TFPI: variants seen among roughly 807,000 people sequenced by gnomAD.
TFPI encodes tissue factor pathway inhibitor.
Under a neutral mutation model 34.6 loss-of-function variants are expected in TFPI, and 15 were observed. That is an observed-to-expected ratio of 0.43 (90% CI 0.29 to 0.67). The LOEUF (loss-of-function observed/expected upper bound fraction) is 0.67, where lower values mean the gene tolerates loss of function less well. TFPI is among the 30% of genes least tolerant of loss of function. The pLI is 0.15. For missense variants in TFPI, 301 were observed against 364.0 expected, an observed-to-expected ratio of 0.83 and a Z score of 1.41; for synonymous variants, 105 against 120.1, an observed-to-expected ratio of 0.87 and a Z score of 0.82.
intron 6 of TFPI, among the ~76,000 whole-genome samples, chr2:187,472,353 C>T (rs143830554): frequency 3.9e-5 from 6 of 152,106 alleles, no homozygotes; most frequent in East Asian, 1.9e-4. Flanking sequence ...CTCATGAACA[C>T]CCATGTACAC....
chr2:187,473,599 T>C (rs1306214993), intron 6 of TFPI, among the ~76,000 whole-genome samples: 1 of 152,070 alleles, frequency 6.6e-6, no homozygotes, highest in Admixed American at 6.6e-5. Context: ...TGTCCTGAGG[T>C]AATAGATAAA....
Position 187,497,060 on chromosome 2 carries a change from A to C in TFPI, c.140T>G (p.Leu47Arg), listed in dbSNP as rs760791091. Residue 47 changes from leucine to arginine, a missense_variant, in exon 3 of 8, where the codon CTG becomes CGG. Physicochemically the swap from Leu to Arg is moderately radical, Grantham distance 102. Transcript: ENST00000233156. Reference sequence around the variant, plus strand: ...TGCACAAAATGAATGCATAAGTTTCAGTGGTGGCAACTCCGTATCTATAAA... The same window carrying C: ...TGCACAAAATGAATGCATAAGTTTCCGTGGTGGCAACTCCGTATCTATAAA... Reference protein sequence around the residue: ...TIITDTELPPLKLMHSFCAFK... With the variant: ...TIITDTELPPRKLMHSFCAFK... 1.2e-6 allele frequency: 2 copies of C among 1,612,888 alleles called. No individual in the cohort carries two copies. Among genetic ancestry groups the C allele is most frequent in the South Asian group, 2.2e-5 (2 of 91,038 alleles).
chr2:187,503,504 CATTAGGTATA>C, intron 2 of TFPI, 134 bp downstream of exon 2: 1 of 761,586 alleles, frequency 1.3e-6, no homozygotes, highest in Non-Finnish European at 2.0e-6. Flanking sequence ...CACACACATA[CATTAGGTATA>C]ATAAATTTCC....
At chr2:187,468,602 T>A (rs1691851681) in intron 6 of TFPI, among the ~76,000 whole-genome samples, 1 of 152,124 alleles carries the variant, frequency 6.6e-6, no homozygotes, top group Non-Finnish European at 1.5e-5. Flanking sequence ...GCAAATTGAT[T>A]TGGATCAGAC....
chr2:187,510,263 C>A (rs564539734), intron 1 of TFPI, among the ~76,000 whole-genome samples: 9 of 152,292 alleles, frequency 5.9e-5, no homozygotes, highest in Non-Finnish European at 2.9e-5. Context: ...CCCTTAGTTA[C>A]GCACTCTACA....
At chr2:187,515,175 A>G (rs2106180495) in intron 1 of TFPI, 1 of 152,360 alleles carries the variant, frequency 6.6e-6, no homozygotes, top group African/African-American at 2.4e-5. Context: ...TGGCAGCAAC[A>G]GCCCTGCTAG....
chr2:187,484,299 AAAG>A, intron 5 of TFPI, 83 bp from the exon 6 acceptor site: 1 of 1,168,636 alleles, frequency 8.6e-7, no homozygotes, highest in East Asian at 2.4e-5. Context: ...AACAGTTAAA[AAAG>A]CAGACTTCTG....
At chr2:187,498,178 T>A (rs1461251484) in intron 2 of TFPI, among the ~76,000 whole-genome samples, 2 of 151,912 alleles carry the variant, frequency 1.3e-5, no homozygotes, top group Non-Finnish European at 2.9e-5. Flanking sequence ...AGAATGAGAC[T>A]TTAATATTTT....
In TFPI at chr2:187,467,765, C is replaced by T. The variant is rs1691797456; in HGVS notation, c.796G>A (p.Ala266Thr). 2.5e-6 allele frequency: 4 copies of T among 1,605,690 alleles called. No individual in the cohort carries two copies. The highest frequency in any genetic ancestry group is 3.4e-6 in the Non-Finnish European group (4 of 1,176,238). The change falls in exon 7 of 8, where the codon GCA (alanine) becomes ACA (threonine). Residue 266 changes from alanine (A) to threonine (T), a missense_variant. By Grantham distance (58) the Ala-to-Thr change is moderately conservative. Transcript: ENST00000233156. ...GTATCTTCTATACCTTTTTTACATG[C>T]CCTCAGACATTCTTGTTTGGAAGTA... ...NFTSKQECLR[A>T]CKKGFIQRIS...
At chr2:187,552,447 AAT>A (rs1689129886) in intron 1 of TFPI, among the ~76,000 whole-genome samples, 1 of 152,124 alleles carries the variant, frequency 6.6e-6, no homozygotes, top group Non-Finnish European at 1.5e-5. Context: ...TTTATTACAA[AAT>A]ATGTTATCAT....
At chr2:187,505,293 A>C (rs1686131471) in intron 1 of TFPI, among the ~76,000 whole-genome samples, 1 of 152,140 alleles carries the variant, frequency 6.6e-6, no homozygotes, top group African/African-American at 2.4e-5. Context: ...AAATTCAGCA[A>C]GTTCCTGTCT....
At chr2:187,540,024 A>G (rs1328213430) in intron 1 of TFPI, among the ~76,000 whole-genome samples, 2 of 151,522 alleles carry the variant, frequency 1.3e-5, no homozygotes, top group South Asian at 2.1e-4. Context: ...TCAAGCCTCA[A>G]GCTGGGACTA....
intron 1 of TFPI, among the ~76,000 whole-genome samples, chr2:187,532,734 C>A (rs1336563039): frequency 6.6e-6 from 1 of 152,086 alleles, no homozygotes; most frequent in African/African-American, 2.4e-5. Flanking sequence ...GAGACAGAAC[C>A]ATCATCCCCT....
intron 6 of TFPI, among the ~76,000 whole-genome samples, chr2:187,475,211 A>T (rs2105970541): frequency 6.6e-6 from 1 of 152,316 alleles, no homozygotes; most frequent in East Asian, 1.9e-4. Context: ...GAAATTAGGA[A>T]GTACACAGAT....
chr2:187,466,838 T>C lies in TFPI; in HGVS notation c.*98A>G. The C allele has an allele frequency of 1.5e-6, 1 of 661,406 alleles. No homozygotes were observed. Among genetic ancestry groups the C allele is most frequent in the Non-Finnish European group, 2.4e-6 (1 of 409,604 alleles). The allele number at this position is 661,406 out of a possible 1,614,324, so 41.0% of individuals were successfully genotyped here. On this transcript the variant is annotated 3_prime_UTR_variant, in exon 8 of 8. Coordinates refer to ENST00000233156, the MANE Select transcript of TFPI (RefSeq NM_006287.6). ...ATAAGCATAGAAAATTTAATGAACA[T>C]ATTAATTAAAAGCATTTTAGAAGAA...
At chr2:187,550,242 T>C (rs1689047890) in intron 1 of TFPI, among the ~76,000 whole-genome samples, 1 of 152,066 alleles carries the variant, frequency 6.6e-6, no homozygotes, top group African/African-American at 2.4e-5. Context: ...AAAGACTGGG[T>C]GAAGCACCAC....
chr2:187,484,540 A>G, intron 5 of TFPI: 1 of 480,184 alleles, frequency 2.1e-6, no homozygotes, highest in Non-Finnish European at 3.6e-6. Flanking sequence ...GAAAGATTTC[A>G]GCAATTCTAT....
chr2:187,522,899 T>G, intron 1 of TFPI, among the ~76,000 whole-genome samples: 1 of 52,624 alleles, frequency 1.9e-5, no homozygotes, highest in East Asian at 7.0e-4. Flanking sequence ...TCAAAATAAA[T>G]AAATAAATAA....
At chr2:187,503,545 T>A (rs995266732) in intron 2 of TFPI, 103 bp downstream of exon 2, 6 of 1,385,826 alleles carry the variant, frequency 4.3e-6, no homozygotes, top group Non-Finnish European at 5.9e-6. Context: ...ATCACTTCAA[T>A]AACAACTAAT....
Sources: gnomAD v4.1 joint callset for allele counts (sites outside exome capture counted in the v4.1 genomes callset) on GRCh38, gnomAD v4.1.1 for gene constraint, MANE v1.5 for transcripts, NCBI Gene and HGNC (gene_info 2026-07-23, HGNC 2026-07-21) for gene names.